ZFP64: variants seen among roughly 807,000 people sequenced by gnomAD.
ZFP64 encodes zinc finger protein 64.
A neutral mutation model predicts 51.6 loss-of-function variants in ZFP64; 14 were observed. The ratio of observed to expected loss-of-function variants is 0.27; its 90% confidence interval spans 0.18 to 0.42. The LOEUF (loss-of-function observed/expected upper bound fraction) is 0.42. ZFP64 is among the 10% of genes least tolerant of loss of function. ZFP64 has a pLI of 1.00. For synonymous variants in ZFP64, 375 were observed against 361.4 expected (o/e 1.04, Z -0.43); for missense variants, 754 against 906.8 (o/e 0.83, Z 2.16).
chr20:52,183,937 G>A (rs115454235), intron 2 of ZFP64, among the ~76,000 whole-genome samples: 4,050 of 152,156 alleles, frequency 0.027, 177 homozygotes, highest in African/African-American at 0.093. Flanking sequence ...TGCAGCCTCT[G>A]CCTCCTGGGT....
At chr20:52,181,987 C>T (rs1232970504) in intron 2 of ZFP64, among the ~76,000 whole-genome samples, 1 of 152,176 alleles carries the variant, frequency 6.6e-6, no homozygotes, top group African/African-American at 2.4e-5. Flanking sequence ...ACGGAGACAA[C>T]GCAAGCTGCA....
chr20:52,088,383 G>T, intron 8 of ZFP64: 3 of 1,613,506 alleles, frequency 1.9e-6, no homozygotes, highest in Non-Finnish European at 2.5e-6. Flanking sequence ...TTCCTGGTCA[G>T]GGACTCACCC....
chr20:52,165,698 G>T, intron 3 of ZFP64, 166 bp downstream of exon 3: 1 of 885,564 alleles, frequency 1.1e-6, no homozygotes, highest in Non-Finnish European at 1.8e-6. Context: ...ACAGACAGTG[G>T]GAGATAGGTT....
intron 5 of ZFP64, among the ~76,000 whole-genome samples, chr20:52,145,983 A>G (rs1468425801): frequency 3.9e-5 from 6 of 152,234 alleles, no homozygotes; most frequent in Admixed American, 2.0e-4. Flanking sequence ...AGCTTAAAAC[A>G]CAAGCATTGT....
chr20:52,165,140 C>T (rs1255897399), intron 3 of ZFP64: 1 of 461,622 alleles, frequency 2.2e-6, no homozygotes. Context: ...GAGCCTGGAT[C>T]AGAGGGGAAA....
At chr20:52,117,602 G>A in intron 5 of ZFP64, 1 of 455,628 alleles carries the variant, frequency 2.2e-6, no homozygotes, top group South Asian at 1.6e-5. Context: ...CTGGGCGACA[G>A]AGCGAAACTC....
At chr20:52,114,693 G>A (rs1219996382) in intron 5 of ZFP64, among the ~76,000 whole-genome samples, 1 of 152,140 alleles carries the variant, frequency 6.6e-6, no homozygotes, top group Admixed American at 6.6e-5. Context: ...AGGGCAATTT[G>A]GCAATACGTT....
chr20:52,149,174 C>T (rs186177386), downstream of ZFP64, among the ~76,000 whole-genome samples: 1 of 151,242 alleles, frequency 6.6e-6, no homozygotes, highest in Admixed American at 6.6e-5. Context: ...TAGTTGAGCT[C>T]ACATCAGGGA....
intron 5 of ZFP64, chr20:52,105,165 C>A (rs771720650): frequency 3.1e-4 from 451 of 1,455,366 alleles, no homozygotes; most frequent in Non-Finnish European, 3.5e-4. Flanking sequence ...GCCACCTCCG[C>A]ACACTCCCGG....
intron 5 of ZFP64, among the ~76,000 whole-genome samples, chr20:52,132,643 C>T (rs1166843256): frequency 1.3e-5 from 2 of 152,012 alleles, no homozygotes; most frequent in Admixed American, 6.6e-5. Flanking sequence ...AAACAGCCTA[C>T]CAAGATTGAA....
intron 5 of ZFP64, among the ~76,000 whole-genome samples, chr20:52,115,033 C>A (rs6096761): frequency 6.6e-6 from 1 of 151,362 alleles, no homozygotes; most frequent in Non-Finnish European, 1.5e-5. Flanking sequence ...CTGTCTCTAC[C>A]AAAAATACAA....
exon 8 of ZFP64, chr20:52,088,441 A>G (rs768833411): frequency 3.7e-5 from 60 of 1,613,982 alleles, no homozygotes; most frequent in Non-Finnish European, 5.0e-5. Flanking sequence ...TGCGGCTGGC[A>G]TAGGGGCAGA....
At position 52,153,778 on chromosome 20, in the gene ZFP64, C is replaced by T. The variant is rs1981081824; in HGVS notation, c.764-350G>A. Among the ~76,000 whole-genome samples the T allele has an allele frequency of 6.6e-6, 1 of 152,204 alleles. No individual in the cohort carries two copies. The highest frequency in any genetic ancestry group is 1.5e-5 in the Non-Finnish European group (1 of 68,044). On this transcript the variant is annotated intron_variant, in intron 5 of 5. Coordinates refer to ENST00000216923, the MANE Select transcript of ZFP64 (RefSeq NM_018197.3). This position sits in a 1 kb window ranked among gnomAD's most constrained non-coding sequence, Gnocchi z 5.1. ...TTGCCCACTCTGCTAGTTAATGGTT[C>T]ACAGTTGAAGACTTTTGCACAACCC...
At chr20:52,104,871 T>G in intron 5 of ZFP64, 3 of 656,064 alleles carry the variant, frequency 4.6e-6, no homozygotes, top group Non-Finnish European at 8.4e-6. Flanking sequence ...TTCCAGCGTG[T>G]TTGGGAGGCA....
intron 5 of ZFP64, among the ~76,000 whole-genome samples, chr20:52,144,597 A>AAAAAAAAAAAAAAAG (rs1980429601): frequency 6.7e-6 from 1 of 148,568 alleles, no homozygotes; most frequent in Non-Finnish European, 1.5e-5. Context: ...AAAAAAAAAA[A>AAAAAAAAAAAAAAAG]AAAAATGCTG....
chr20:52,143,561 T>C (rs1350510352), intron 5 of ZFP64, among the ~76,000 whole-genome samples: 5 of 141,042 alleles, frequency 3.5e-5, no homozygotes, highest in Non-Finnish European at 7.9e-5. Context: ...TTAGACACAG[T>C]CTCACTCTGT....
At position 52,162,358 on chromosome 20, in the gene ZFP64, A is replaced by G. The variant is rs113651408; in HGVS notation, c.512-1984T>C. ...AACATTTTAGTAGGCTGGGCGCGGT[A>G]GCTCACATCTGTAATCCCAGCACTT... is the stretch of plus-strand genomic sequence containing the variant. On this transcript the variant is annotated intron_variant, in intron 4 of 5. Coordinates refer to ENST00000216923, the MANE Select transcript of ZFP64 (RefSeq NM_018197.3). Among the ~76,000 whole-genome samples, 911 of 149,930 alleles carry G rather than the reference A, an allele frequency of 6.1e-3. 7 individuals are homozygous for G. The highest frequency in any genetic ancestry group is 9.5e-3 in the Non-Finnish European group (643 of 67,376).
chr20:52,181,602 T>A (rs1042938930), intron 2 of ZFP64, among the ~76,000 whole-genome samples: 2 of 152,108 alleles, frequency 1.3e-5, no homozygotes, highest in Non-Finnish European at 2.9e-5. Flanking sequence ...GTCTGGAAAA[T>A]GTCCAGATGA....
intron 5 of ZFP64, among the ~76,000 whole-genome samples, chr20:52,157,201 T>G (rs1466540979): frequency 1.3e-5 from 2 of 152,200 alleles, no homozygotes; most frequent in Non-Finnish European, 2.9e-5. Flanking sequence ...TGGTGCCAAG[T>G]ATGTTCTCTC....
Sources: allele counts gnomAD v4.1 joint callset (sites outside exome capture counted in the v4.1 genomes callset), GRCh38; gene constraint gnomAD v4.1.1; non-coding constraint Gnocchi (gnomAD v3.1); transcripts MANE v1.5; gene names NCBI Gene and HGNC (gene_info 2026-07-23, HGNC 2026-07-21).